Variants in MAP6 observed in about 807,000 individuals in gnomAD.
MAP6 encodes microtubule associated protein 6.
A neutral mutation model predicts 42.4 loss-of-function variants in MAP6; 26 were observed. That is an observed-to-expected ratio of 0.61 (90% confidence interval 0.45 to 0.85). The LOEUF is 0.85. Among genes scored for constraint, MAP6 ranks in the 40% least tolerant of loss-of-function variants. The pLI, the probability that MAP6 is intolerant of heterozygous loss-of-function variation, is 0.00. For synonymous variants in MAP6, 418 were observed against 443.8 expected (o/e 0.94, Z 0.73); for missense variants, 966 against 1,099.0 (o/e 0.88, Z 1.71).
At chr11:75,616,446 G>A (rs894476250) in intron 1 of MAP6, among the ~76,000 whole-genome samples, 9 of 152,284 alleles carry the variant, frequency 5.9e-5, no homozygotes, top group South Asian at 4.2e-4. Flanking sequence ...TTAAGTCTCC[G>A]TTCAAAAATC....
chr11:75,606,684 AG>A (rs1475936240), intron 2 of MAP6, among the ~76,000 whole-genome samples: 7 of 152,190 alleles, frequency 4.6e-5, no homozygotes, highest in African/African-American at 1.2e-4. Context: ...TGCTTTGGGC[AG>A]GGGGGCATCT....
At chr11:75,628,233 CAG>C (rs1943229448) in intron 1 of MAP6, among the ~76,000 whole-genome samples, 1 of 152,214 alleles carries the variant, frequency 6.6e-6, no homozygotes, top group Non-Finnish European at 1.5e-5. Context: ...AAGTGGCAAA[CAG>C]ATCCCACCAG....
At chr11:75,649,308 T>C (rs1036061576) in intron 1 of MAP6, among the ~76,000 whole-genome samples, 9 of 152,102 alleles carry the variant, frequency 5.9e-5, no homozygotes, top group African/African-American at 2.2e-4. Context: ...GACAGAATGA[T>C]ACACAGTGTA....
At chr11:75,652,011 A>T (rs1300712332) in intron 1 of MAP6, among the ~76,000 whole-genome samples, 2 of 152,254 alleles carry the variant, frequency 1.3e-5, no homozygotes, top group African/African-American at 2.4e-5. Context: ...GAAAGGGAAC[A>T]CCAACTTTGA....
intron 1 of MAP6, among the ~76,000 whole-genome samples, chr11:75,640,187 C>T (rs1943439570): frequency 6.7e-6 from 1 of 149,104 alleles, no homozygotes; most frequent in African/African-American, 2.5e-5. Flanking sequence ...CAACCAACCC[C>T]CACCCCCCCA....
intron 1 of MAP6, among the ~76,000 whole-genome samples, chr11:75,621,201 A>G (rs1266421240): frequency 6.6e-6 from 1 of 152,014 alleles, no homozygotes; most frequent in African/African-American, 2.4e-5. Context: ...TATTGCTGGG[A>G]GTGGTGGCTC....
chr11:75,619,172 C>G (rs1943060720), intron 1 of MAP6, among the ~76,000 whole-genome samples: 1 of 151,866 alleles, frequency 6.6e-6, no homozygotes, highest in Non-Finnish European at 1.5e-5. Flanking sequence ...GTGTGTCTTT[C>G]CTAGGACACA....
chr11:75,606,151 A>G (rs929636746), intron 2 of MAP6, 147 bp from the exon 3 acceptor site: 12 of 938,662 alleles, frequency 1.3e-5, no homozygotes, highest in African/African-American at 3.3e-5. Context: ...GGTGTTCCCA[A>G]GGACATTAGG....
At chr11:75,593,278 A>G (rs973917010) in intron 3 of MAP6, among the ~76,000 whole-genome samples, 2 of 152,222 alleles carry the variant, frequency 1.3e-5, no homozygotes, top group Admixed American at 1.3e-4. Flanking sequence ...GAATGAATAA[A>G]CAACAGACTG....
chr11:75,628,389 A>G (rs564617259), intron 1 of MAP6, among the ~76,000 whole-genome samples: 1 of 152,328 alleles, frequency 6.6e-6, no homozygotes, highest in African/African-American at 2.4e-5. Flanking sequence ...AAGCACCCGC[A>G]AGACAAAGAT....
intron 1 of MAP6, among the ~76,000 whole-genome samples, chr11:75,618,208 T>A (rs1393406043): frequency 6.6e-6 from 1 of 152,012 alleles, no homozygotes; most frequent in Non-Finnish European, 1.5e-5. Context: ...CCATGCTAAT[T>A]TACTCTTTAA....
intron 3 of MAP6, among the ~76,000 whole-genome samples, chr11:75,596,966 A>G (rs1252575442): frequency 1.3e-5 from 2 of 152,348 alleles, no homozygotes; most frequent in East Asian, 3.9e-4. Context: ...CAAGTGCTGG[A>G]CAAGGAATGG....
chr11:75,650,116 C>A (rs1380615663), intron 1 of MAP6, among the ~76,000 whole-genome samples: 1 of 152,160 alleles, frequency 6.6e-6, no homozygotes, highest in African/African-American at 2.4e-5. Context: ...CAACGTGAGA[C>A]CATGCTTTGA....
chr11:75,651,483 G>T (rs3862804), intron 1 of MAP6, among the ~76,000 whole-genome samples: 13,934 of 152,106 alleles, frequency 0.092, 1,065 homozygotes, highest in African/African-American at 0.21. Context: ...GCATGTTGAT[G>T]ATCTCACTGT....
In MAP6 at chr11:75,645,526, G is replaced by T. The variant is rs576199881; in HGVS notation, c.905+21939C>A. 7.2e-5 allele frequency among the ~76,000 whole-genome samples: 11 copies of T among 152,210 alleles called. No individual in the cohort carries two copies. In the South Asian group the frequency reaches 2.3e-3, roughly 32 times the overall value. On this transcript the variant is annotated intron_variant, in intron 1 of 3. Coordinates refer to ENST00000304771, the MANE Select transcript of MAP6 (RefSeq NM_033063.2). Reference sequence around the variant, plus strand: ...CCTGAAATATTTCTCAGGAATGAAAGCACAATTGCTCCAGAGGGCCATTTT... The same window carrying T: ...CCTGAAATATTTCTCAGGAATGAAATCACAATTGCTCCAGAGGGCCATTTT...
intron 1 of MAP6, among the ~76,000 whole-genome samples, chr11:75,633,272 G>A (rs1314305232): frequency 6.6e-6 from 1 of 152,090 alleles, no homozygotes; most frequent in East Asian, 1.9e-4. Flanking sequence ...AGGTCCATGT[G>A]CCTTTTGTTC....
At chr11:75,653,089 G>A (rs892585530) in intron 1 of MAP6, among the ~76,000 whole-genome samples, 5 of 151,854 alleles carry the variant, frequency 3.3e-5, no homozygotes, top group South Asian at 2.1e-4. Context: ...TATTTAATCC[G>A]GTGGCTCACT....
intron 1 of MAP6, among the ~76,000 whole-genome samples, chr11:75,643,169 G>A (rs1019551399): frequency 6.6e-6 from 1 of 151,416 alleles, no homozygotes; most frequent in South Asian, 2.1e-4. Flanking sequence ...TTTGTAAATT[G>A]CGTGTTCACA....
At chr11:75,664,803 A>G (rs1943918763) in intron 1 of MAP6, among the ~76,000 whole-genome samples, 1 of 152,192 alleles carries the variant, frequency 6.6e-6, no homozygotes, top group Non-Finnish European at 1.5e-5. Context: ...TTTACAGTGT[A>G]TTTAATGTAT....
Sources: allele counts gnomAD v4.1 joint callset (sites outside exome capture counted in the v4.1 genomes callset), GRCh38; gene constraint gnomAD v4.1.1; transcripts MANE v1.5; gene names NCBI Gene and HGNC (gene_info 2026-07-23, HGNC 2026-07-21).